Variants in CPA6 observed in about 807,000 individuals in gnomAD.
CPA6 encodes carboxypeptidase A6.
In CPA6, 58 loss-of-function variants were observed where a neutral mutation model predicts 63.3. The ratio of observed to expected loss-of-function variants is 0.92; its 90% CI spans 0.74 to 1.14. The LOEUF (loss-of-function observed/expected upper bound fraction) is 1.14. CPA6 is among the 50% of genes most tolerant of loss of function. The pLI is 0.00. For missense variants in CPA6, 565 were observed against 526.6 expected (o/e 1.07, Z -0.71); for synonymous variants, 185 against 179.0 (o/e 1.03, Z -0.27).
In CPA6 at chr8:67,529,378, A is replaced by G. The variant is rs1563987769; in HGVS notation, c.193-11331T>C. Among the ~76,000 whole-genome samples, 5 of 152,286 alleles carry G rather than the reference A, an allele frequency of 3.3e-5. No homozygotes were observed. The South Asian group carries it at 1.0e-3, about 32-fold the overall frequency. Reference sequence around the variant, plus strand: ...AGAGATGAGAGGTGGGATATCAAAGAAAAGCAAGTTGATTAGCTTCACAGA... The same window carrying G: ...AGAGATGAGAGGTGGGATATCAAAGGAAAGCAAGTTGATTAGCTTCACAGA... On this transcript the variant is annotated intron_variant, in intron 2 of 10. Coordinates refer to ENST00000297770, the MANE Select transcript of CPA6 (RefSeq NM_020361.5).
intron 2 of CPA6, among the ~76,000 whole-genome samples, chr8:67,618,400 C>A (rs543480870): frequency 6.6e-6 from 1 of 151,982 alleles, no homozygotes; most frequent in African/African-American, 2.4e-5. Flanking sequence ...GGTAGTGCAC[C>A]AAGGAGGATT....
At position 67,511,526 on chromosome 8, in the gene CPA6, C is replaced by T; in HGVS notation, c.432+15G>A. 7.0e-7 allele frequency: 1 copy of T among 1,438,234 alleles called. No individual in the cohort carries two copies. Among genetic ancestry groups the T allele is most frequent in the South Asian group, 1.2e-5 (1 of 86,764 alleles). The allele number at this position is 1,438,234 out of a possible 1,614,324, so 89.1% of individuals were successfully genotyped here. A position where few individuals can be genotyped will look rare whatever the true frequency, so the allele number is the denominator to read the frequency against. On this transcript the variant is annotated intron_variant, in intron 4 of 10. Transcript: ENST00000297770. Reference sequence around the variant, plus strand: ...ACTCTGTGAAAAACCAGAAAAAGCTCTTTTGATTACATACTTCTTCTAAGG... The same window carrying T: ...ACTCTGTGAAAAACCAGAAAAAGCTTTTTTGATTACATACTTCTTCTAAGG...
At chr8:67,591,566 C>G (rs1359267876) in intron 2 of CPA6, among the ~76,000 whole-genome samples, 1 of 152,076 alleles carries the variant, frequency 6.6e-6, no homozygotes, top group South Asian at 2.1e-4. Context: ...TTTCATTGAG[C>G]AGTGGTTTGT....
At chr8:67,480,332 CA>C (rs1811331928) in intron 8 of CPA6, among the ~76,000 whole-genome samples, 1 of 152,082 alleles carries the variant, frequency 6.6e-6, no homozygotes, top group African/African-American at 2.4e-5. Flanking sequence ...CCTTACCCCT[CA>C]AAAGTTACTC....
chr8:67,527,933 C>T (rs1812398598), intron 2 of CPA6, among the ~76,000 whole-genome samples: 2 of 152,206 alleles, frequency 1.3e-5, no homozygotes, highest in South Asian at 2.1e-4. Context: ...TGAATCATCA[C>T]TCTGTGAATG....
chr8:67,677,039 G>A (rs62511389), intron 1 of CPA6, among the ~76,000 whole-genome samples: 5,301 of 152,266 alleles, frequency 0.035, 121 homozygotes, highest in Non-Finnish European at 0.047. Context: ...GCCCCGAACT[G>A]TGCTGCACAA....
intron 2 of CPA6, among the ~76,000 whole-genome samples, chr8:67,544,984 C>A (rs907818415): frequency 6.6e-6 from 1 of 152,072 alleles, no homozygotes; most frequent in Non-Finnish European, 1.5e-5. Flanking sequence ...CTGTTTGATT[C>A]ATAATTTATC....
At chr8:67,497,628 C>A in intron 6 of CPA6, among the ~76,000 whole-genome samples, 1 of 151,780 alleles carries the variant, frequency 6.6e-6, no homozygotes, top group East Asian at 1.9e-4. Context: ...CATAGTAACT[C>A]TATGTTTAAC....
chr8:67,536,325 T>C (rs1265115108), intron 2 of CPA6, among the ~76,000 whole-genome samples: 8 of 152,248 alleles, frequency 5.3e-5, no homozygotes, highest in Admixed American at 3.3e-4. Flanking sequence ...TTCCTATCCA[T>C]GAGCATGGAA....
In CPA6 at chr8:67,564,402, G is replaced by A. The variant is rs532733231; in HGVS notation, c.193-46355C>T. Among the ~76,000 whole-genome samples, 4 of 150,606 alleles carry A rather than the reference G, an allele frequency of 2.7e-5. No homozygotes were observed. The South Asian group carries it at 8.4e-4, about 32-fold the overall frequency. Reference sequence around the variant, plus strand: ...TCTGGGATGCAAGCTGAGCAGCGACGATTAAAAGTGTTCTTTTTTTTTTTT... The same window carrying A: ...TCTGGGATGCAAGCTGAGCAGCGACAATTAAAAGTGTTCTTTTTTTTTTTT... On this transcript the variant is annotated intron_variant, in intron 2 of 10. Coordinates refer to ENST00000297770, the MANE Select transcript of CPA6 (RefSeq NM_020361.5).
intron 1 of CPA6, among the ~76,000 whole-genome samples, chr8:67,677,871 A>T (rs1214687105): frequency 1.3e-5 from 2 of 150,624 alleles, no homozygotes; most frequent in African/African-American, 5.0e-5. Context: ...GTCAAACAAT[A>T]AAGCTTAAAA....
intron 2 of CPA6, among the ~76,000 whole-genome samples, chr8:67,615,133 T>C (rs1241861811): frequency 6.6e-6 from 1 of 152,158 alleles, no homozygotes; most frequent in Non-Finnish European, 1.5e-5. Flanking sequence ...GTTCCACACT[T>C]CTCAGCAACA....
chr8:67,733,384 C>T (rs2129003311), intron 1 of CPA6, among the ~76,000 whole-genome samples: 1 of 151,824 alleles, frequency 6.6e-6, no homozygotes, highest in Non-Finnish European at 1.5e-5. Context: ...GACCCACTGT[C>T]CAGGGACATG....
At chr8:67,456,034 C>T (rs1810670755) in intron 8 of CPA6, among the ~76,000 whole-genome samples, 1 of 152,130 alleles carries the variant, frequency 6.6e-6, no homozygotes, top group Non-Finnish European at 1.5e-5. Context: ...AGATTCTTTA[C>T]AGCATTGATA....
chr8:67,455,763 AC>A (rs1408406804), intron 8 of CPA6, among the ~76,000 whole-genome samples: 1 of 142,710 alleles, frequency 7.0e-6, no homozygotes, highest in East Asian at 2.0e-4. Context: ...TCATTTTGTT[AC>A]CCAGGCTGGA....
At chr8:67,617,439 A>G (rs1408802270) in intron 2 of CPA6, among the ~76,000 whole-genome samples, 1 of 152,228 alleles carries the variant, frequency 6.6e-6, no homozygotes, top group Non-Finnish European at 1.5e-5. Flanking sequence ...TACAGAAGGC[A>G]AAAGTCAGTG....
intron 1 of CPA6, among the ~76,000 whole-genome samples, chr8:67,689,269 T>A (rs757348672): frequency 4.1e-5 from 6 of 144,882 alleles, no homozygotes; most frequent in Non-Finnish European, 8.8e-5. Flanking sequence ...TATAAACTTC[T>A]TCTTCAAAAA....
chr8:67,675,416 T>C lies in CPA6; in HGVS notation c.117-51165A>G, dbSNP rs187175310. Among the ~76,000 whole-genome samples, 403 of 152,294 alleles carry C rather than the reference T, an allele frequency of 2.6e-3. 2 individuals carry two copies. Among genetic ancestry groups the C allele is most frequent in the Middle Eastern group, 0.01 (3 of 294 alleles). ...GCTTGAGGTGGTTTTACGCCCTTTT[T>C]ACTCATCCCACAATCCCCCACAATT... is the stretch of plus-strand genomic sequence containing the variant. On this transcript the variant is annotated intron_variant, in intron 1 of 10. Transcript: ENST00000297770.
intron 1 of CPA6, among the ~76,000 whole-genome samples, chr8:67,726,548 T>C (rs759362433): frequency 1.3e-5 from 2 of 152,204 alleles, no homozygotes; most frequent in Non-Finnish European, 2.9e-5. Context: ...AAATACATGT[T>C]ATAGGGGAAT....
Sources: allele counts gnomAD v4.1 joint callset (sites outside exome capture counted in the v4.1 genomes callset), GRCh38; gene constraint gnomAD v4.1.1; transcripts MANE v1.5; gene names NCBI Gene and HGNC (gene_info 2026-07-23, HGNC 2026-07-21).